PELI2: variants seen among roughly 807,000 people sequenced by gnomAD.
PELI2 encodes pellino E3 ubiquitin protein ligase family member 2.
In PELI2, 23 loss-of-function variants were observed where a neutral mutation model predicts 42.3. That is an observed-to-expected ratio of 0.54 (90% CI 0.39 to 0.77). The LOEUF (loss-of-function observed/expected upper bound fraction) is 0.77. PELI2 is among the 30% of genes least tolerant of loss of function. The probability of loss-of-function intolerance (pLI) is 0.00; values close to 1 mark genes in which losing one functional copy is unlikely to be tolerated. For synonymous variants in PELI2, 245 were observed against 212.2 expected (o/e 1.15, Z -1.34); for missense variants, 463 against 553.2 (o/e 0.84, Z 1.64).
rs1250874224 is a variant in PELI2 at position 56,273,172 on chromosome 14, C to G, written c.208-6504C>G. ...CACAGAGGCTTCTCCATGCACATGT[C>G]TGCATCTTGGTGCTCCCAGGCCTCC... is the stretch of plus-strand genomic sequence containing the variant. On this transcript the variant is annotated intron_variant, in intron 2 of 5. Coordinates refer to ENST00000267460, the MANE Select transcript of PELI2 (RefSeq NM_021255.3). The surrounding 1 kb of genome is among the most constrained non-coding windows in gnomAD (Gnocchi z 4.3). 6.6e-6 allele frequency among the ~76,000 whole-genome samples: 1 copy of G among 152,214 alleles called. No homozygotes were observed. Among genetic ancestry groups the G allele is most frequent in the East Asian group, 1.9e-4 (1 of 5,196 alleles).
At chr14:56,166,329 A>G (rs547560042) in intron 1 of PELI2, among the ~76,000 whole-genome samples, 1 of 152,128 alleles carries the variant, frequency 6.6e-6, no homozygotes, top group Non-Finnish European at 1.5e-5. Context: ...TATTGTACTG[A>G]CTATGTCTTG....
chr14:56,163,577 C>CT (rs1884843856), intron 1 of PELI2, among the ~76,000 whole-genome samples: 2 of 151,556 alleles, frequency 1.3e-5, no homozygotes, highest in Admixed American at 1.3e-4. Context: ...GCTCTGTATA[C>CT]TTTTTAGGAT....
chr14:56,250,357 T>C (rs1344617179), intron 2 of PELI2, among the ~76,000 whole-genome samples: 2 of 152,036 alleles, frequency 1.3e-5, no homozygotes, highest in African/African-American at 4.8e-5. Context: ...ACAGAACTAA[T>C]AGGATAGATG....
intron 2 of PELI2, among the ~76,000 whole-genome samples, chr14:56,210,812 A>C (rs1594642418): frequency 6.6e-6 from 1 of 152,286 alleles, no homozygotes; most frequent in South Asian, 2.1e-4. Flanking sequence ...GTGGTCGGTA[A>C]GTTGAGGGGG....
intron 2 of PELI2, among the ~76,000 whole-genome samples, chr14:56,259,830 A>C (rs1387649026): frequency 6.6e-6 from 1 of 152,158 alleles, no homozygotes; most frequent in Non-Finnish European, 1.5e-5. Context: ...CTTCTATATT[A>C]GCAATAAGTA....
At position 56,178,315 on chromosome 14, in the gene PELI2, T is replaced by C. The variant is rs1450959577; in HGVS notation, c.78-20T>C. The C allele has an allele frequency of 6.2e-7, 1 of 1,611,456 alleles. No homozygotes were observed. The highest frequency in any genetic ancestry group is 8.5e-7 in the Non-Finnish European group (1 of 1,177,732). On this transcript the variant is annotated intron_variant, in intron 1 of 5. Transcript: ENST00000267460. ...TTGAAAAATCTGCAGATAGATGAAC[T>C]CTTTCCTCTCTGTTTCTAGGTACAA...
intron 2 of PELI2, among the ~76,000 whole-genome samples, chr14:56,269,521 T>C (rs1437988722): frequency 6.6e-6 from 1 of 152,128 alleles, no homozygotes; most frequent in East Asian, 1.9e-4. Flanking sequence ...CCATACAAAC[T>C]TCAATATGAA....
chr14:56,144,955 G>A, intron 1 of PELI2: 1 of 983,304 alleles, frequency 1.0e-6, no homozygotes. Context: ...AGGAGAAGAG[G>A]GATGTGGAAG....
At chr14:56,156,158 A>G (rs242410) in intron 1 of PELI2, among the ~76,000 whole-genome samples, 16,019 of 152,186 alleles carry the variant, frequency 0.11, 1,096 homozygotes, top group East Asian at 0.28. Flanking sequence ...GAATTTATCA[A>G]ATGTCTTCTC....
In PELI2 at chr14:56,178,523, C is replaced by T. The variant is rs1183092720; in HGVS notation, c.207+59C>T. The T allele has an allele frequency of 1.9e-6, 3 of 1,566,700 alleles. No individual in the cohort carries two copies. The African/African-American group carries it at 4.1e-5, about 21-fold the overall frequency. Reference sequence around the variant, plus strand: ...GGCAAACAGTGACTCACAGATACTCCTTGTCCGCTGCTCTCTTTCCTTTCG... The same window carrying T: ...GGCAAACAGTGACTCACAGATACTCTTTGTCCGCTGCTCTCTTTCCTTTCG... On this transcript the variant is annotated intron_variant, in intron 2 of 5. Transcript: ENST00000267460.
At chr14:56,187,397 T>C (rs979788916) in intron 2 of PELI2, among the ~76,000 whole-genome samples, 2 of 152,192 alleles carry the variant, frequency 1.3e-5, no homozygotes, top group Non-Finnish European at 2.9e-5. Context: ...AATCAGGTGC[T>C]CTGTAGAAAG....
chr14:56,155,648 C>A (rs1021933315), intron 1 of PELI2, among the ~76,000 whole-genome samples: 1 of 149,410 alleles, frequency 6.7e-6, no homozygotes, highest in Admixed American at 6.7e-5. Context: ...GTGGCGCGAT[C>A]TCGGCTCACT....
chr14:56,217,790 C>T (rs1285277530), intron 2 of PELI2, among the ~76,000 whole-genome samples: 2 of 152,160 alleles, frequency 1.3e-5, no homozygotes, highest in African/African-American at 4.8e-5. Context: ...AACGTGCTGT[C>T]ACTTCTCCGT....
intron 2 of PELI2, among the ~76,000 whole-genome samples, chr14:56,262,948 G>T (rs1888765477): frequency 1.3e-5 from 2 of 151,990 alleles, no homozygotes; most frequent in Non-Finnish European, 1.5e-5. Context: ...TTTATCTGGG[G>T]GTTGTTTATA....
At chr14:56,286,062 G>A (rs1168077934) in intron 3 of PELI2, among the ~76,000 whole-genome samples, 1 of 152,222 alleles carries the variant, frequency 6.6e-6, no homozygotes, top group Non-Finnish European at 1.5e-5. Flanking sequence ...AAAGGCATCA[G>A]TGATGGGTTA....
At chr14:56,134,407 A>G (rs1595543739) in intron 1 of PELI2, among the ~76,000 whole-genome samples, 1 of 152,284 alleles carries the variant, frequency 6.6e-6, no homozygotes, top group East Asian at 1.9e-4. Context: ...TCACAGATAA[A>G]TACTGTATTA....
intron 2 of PELI2, among the ~76,000 whole-genome samples, chr14:56,215,118 CTA>C: frequency 6.6e-6 from 1 of 152,208 alleles, no homozygotes; most frequent in East Asian, 1.9e-4. Flanking sequence ...CTTCTCTTAT[CTA>C]TGTGACAGTC....
chr14:56,121,503 C>T (rs1427702949), intron 1 of PELI2, among the ~76,000 whole-genome samples: 1 of 152,148 alleles, frequency 6.6e-6, no homozygotes. Context: ...TGTATCATAG[C>T]CACAACTCTT....
At chr14:56,244,743 TGAGGAGACCTTTTTG>T (rs1445245691) in intron 2 of PELI2, among the ~76,000 whole-genome samples, 3 of 152,186 alleles carry the variant, frequency 2.0e-5, no homozygotes, top group Non-Finnish European at 4.4e-5. Context: ...TGCTAGCTGT[TGAGGAGACCTTTTTG>T]GAATAAGGTA....
Sources: allele counts gnomAD v4.1 joint callset (sites outside exome capture counted in the v4.1 genomes callset), GRCh38; gene constraint gnomAD v4.1.1; non-coding constraint Gnocchi (gnomAD v3.1); transcripts MANE v1.5; gene names NCBI Gene and HGNC (gene_info 2026-07-23, HGNC 2026-07-21).